The following SBF2 variants were observed in gnomAD, a reference collection of about 807,000 sequenced individuals.
SBF2 encodes the protein SET binding factor 2.
Under a neutral mutation model 225.2 loss-of-function variants are expected in SBF2, and 112 were observed. The observed-to-expected ratio is 0.50, with a 90% CI of 0.43 to 0.58. The LOEUF (loss-of-function observed/expected upper bound fraction) is 0.58. SBF2 is among the 20% of genes least tolerant of loss of function. The probability of loss-of-function intolerance (pLI) is 0.00; values close to 1 mark genes in which losing one functional copy is unlikely to be tolerated. For synonymous variants in SBF2, 763 were observed against 773.3 expected (o/e 0.99, Z 0.22); for missense variants, 1,996 against 2,206.2 (o/e 0.90, Z 1.91).
intron 1 of SBF2, among the ~76,000 whole-genome samples, chr11:10,213,563 G>A (rs1416530912): frequency 6.6e-6 from 1 of 152,104 alleles, no homozygotes; most frequent in Non-Finnish European, 1.5e-5. Context: ...TAAAATTCTT[G>A]CAATTCTTTT....
chr11:10,035,351 T>C (rs1169090866), intron 3 of SBF2, among the ~76,000 whole-genome samples: 2 of 152,130 alleles, frequency 1.3e-5, no homozygotes, highest in Non-Finnish European at 2.9e-5. Context: ...GACATAAGCA[T>C]GGGCAAAGAC....
At chr11:10,097,171 C>T (rs1688967027) in intron 2 of SBF2, among the ~76,000 whole-genome samples, 2 of 152,146 alleles carry the variant, frequency 1.3e-5, no homozygotes, top group South Asian at 4.1e-4. Flanking sequence ...TCACCCTGTC[C>T]GTCACTTTCG....
chr11:10,252,828 A>AC (rs1200224930), intron 1 of SBF2, among the ~76,000 whole-genome samples: 1 of 136,202 alleles, frequency 7.3e-6, no homozygotes, highest in Non-Finnish European at 1.7e-5. Flanking sequence ...CTCAAAAAAA[A>AC]AAAAATCAAA....
intron 2 of SBF2, among the ~76,000 whole-genome samples, chr11:10,168,069 T>G (rs974979870): frequency 2.6e-5 from 4 of 152,162 alleles, no homozygotes; most frequent in African/African-American, 9.7e-5. Context: ...CATCACTGTT[T>G]TACTGTTTTT....
In SBF2 at chr11:10,050,079, T is replaced by C. The variant is rs1950008251; in HGVS notation, c.142-7098A>G. ...TTAACAGCAAATAATCCCATTCTCA[T>C]AGAAGTCTGTCATTCATATCATTAG... On this transcript the variant is annotated intron_variant, in intron 2 of 39. Coordinates refer to ENST00000256190, the MANE Select transcript of SBF2 (RefSeq NM_030962.4). Among the ~76,000 whole-genome samples, 3 of 152,328 alleles carry C rather than the reference T, an allele frequency of 2.0e-5. No homozygotes were observed. In the South Asian group the frequency reaches 6.2e-4, roughly 32 times the overall value.
intron 2 of SBF2, among the ~76,000 whole-genome samples, chr11:10,134,012 A>G (rs954610770): frequency 2.0e-5 from 3 of 152,216 alleles, no homozygotes; most frequent in Admixed American, 1.3e-4. Context: ...GTCCGATTTT[A>G]TGCTGCTGAT....
chr11:10,095,164 C>A (rs924608377), intron 2 of SBF2, among the ~76,000 whole-genome samples: 3 of 152,018 alleles, frequency 2.0e-5, no homozygotes, highest in Non-Finnish European at 4.4e-5. Flanking sequence ...TTCAAGCAAT[C>A]CTCACATCTT....
chr11:9,971,193 A>T (rs1009597719), intron 13 of SBF2, among the ~76,000 whole-genome samples: 1 of 151,994 alleles, frequency 6.6e-6, no homozygotes. Flanking sequence ...TTATAATAAA[A>T]ATTAAAACTC....
At chr11:9,920,153 C>T (rs1863489160) in intron 16 of SBF2, among the ~76,000 whole-genome samples, 1 of 151,516 alleles carries the variant, frequency 6.6e-6, no homozygotes, top group African/African-American at 2.4e-5. Context: ...CTACATATAA[C>T]TCATAAGGCT....
chr11:10,051,006 T>A (rs1438076441), intron 2 of SBF2, among the ~76,000 whole-genome samples: 2 of 152,154 alleles, frequency 1.3e-5, no homozygotes, highest in African/African-American at 4.8e-5. Context: ...TGCCTGAAAC[T>A]AGAAAAAATA....
chr11:9,890,400 T>C (rs921590691), intron 17 of SBF2, among the ~76,000 whole-genome samples: 2 of 152,188 alleles, frequency 1.3e-5, no homozygotes, highest in East Asian at 1.9e-4. Flanking sequence ...GGCTAGATAC[T>C]AGAAAATAAA....
At chr11:10,063,346 T>A (rs373433895) in intron 2 of SBF2, among the ~76,000 whole-genome samples, 1,122 of 84,138 alleles carry the variant, frequency 0.013, 12 homozygotes, top group African/African-American at 0.031. Flanking sequence ...ATATATATAT[T>A]TTTTTAATTT....
intron 6 of SBF2, among the ~76,000 whole-genome samples, chr11:10,023,704 A>G (rs992677105): frequency 6.6e-6 from 1 of 152,112 alleles, no homozygotes; most frequent in African/African-American, 2.4e-5. Flanking sequence ...TCAATACTTC[A>G]TTCCATTTTA....
intron 24 of SBF2, 127 bp downstream of exon 24, chr11:9,845,438 G>T: frequency 1.1e-6 from 1 of 896,430 alleles, no homozygotes. Flanking sequence ...TTGGCCCCAT[G>T]GGCTTGACAG....
At chr11:9,836,136 A>G (rs1038557661) in intron 26 of SBF2, among the ~76,000 whole-genome samples, 1 of 152,002 alleles carries the variant, frequency 6.6e-6, no homozygotes, top group Non-Finnish European at 1.5e-5. Flanking sequence ...AAATTTATCA[A>G]TTTTTTACTT....
At position 9,964,156 on chromosome 11, in the gene SBF2, G is replaced by A. The variant is rs12276925; in HGVS notation, c.1601-274C>T. On this transcript the variant is annotated intron_variant, in intron 14 of 39. Transcript: ENST00000256190. ...CCCAGTGACTCGGGAGGCTGAGGTC[G>A]GAGGATCACTTGAGCCCAGGAGTCC... Among the ~76,000 whole-genome samples, 2,585 of 152,272 alleles carry A rather than the reference G, an allele frequency of 0.017. 56 individuals are homozygous for A. Among genetic ancestry groups the A allele is most frequent in the African/African-American group, 0.051 (2,110 of 41,530 alleles).
intron 28 of SBF2, among the ~76,000 whole-genome samples, chr11:9,820,441 T>A (rs185909732): frequency 6.6e-6 from 1 of 152,288 alleles, no homozygotes; most frequent in East Asian, 1.9e-4. Context: ...TGTGGCCTCC[T>A]CTGTGTTGGC....
intron 17 of SBF2, among the ~76,000 whole-genome samples, chr11:9,883,856 G>A (rs1220896249): frequency 2.0e-5 from 3 of 152,116 alleles, no homozygotes; most frequent in African/African-American, 7.2e-5. Flanking sequence ...GGGGCCCTAA[G>A]TTATTTTTTG....
chr11:10,094,894 A>G (rs1457728807), intron 2 of SBF2, among the ~76,000 whole-genome samples: 3 of 151,630 alleles, frequency 2.0e-5, no homozygotes, highest in Non-Finnish European at 4.4e-5. Context: ...GCCTTCTTAG[A>G]CTCATGAAGC....
Sources: allele counts gnomAD v4.1 joint callset (sites outside exome capture counted in the v4.1 genomes callset), GRCh38; gene constraint gnomAD v4.1.1; transcripts MANE v1.5; gene names NCBI Gene and HGNC (gene_info 2026-07-23, HGNC 2026-07-21).